Variants in TTC9 observed in about 807,000 individuals in gnomAD.
TTC9 encodes tetratricopeptide repeat domain 9, also known as tetratricopeptide repeat protein 9A.
In TTC9, 13 loss-of-function variants were observed where a neutral mutation model predicts 22.9. The observed-to-expected ratio is 0.57, with a 90% confidence interval of 0.37 to 0.90. The LOEUF (loss-of-function observed/expected upper bound fraction) is 0.90. Among genes scored for constraint, TTC9 ranks in the 40% least tolerant of loss-of-function variants. TTC9 has a pLI of 0.01. For synonymous variants in TTC9, 148 were observed against 133.2 expected, an observed-to-expected ratio of 1.11 and a Z score of -0.77; for missense variants, 280 against 291.8, an observed-to-expected ratio of 0.96 and a Z score of 0.29.
At chr14:70,643,052 C>G (rs1566693512) in intron 1 of TTC9, among the ~76,000 whole-genome samples, 1 of 152,254 alleles carries the variant, frequency 6.6e-6, no homozygotes, top group Non-Finnish European at 1.5e-5. Flanking sequence ...GGGAGTTTGA[C>G]ACCATGCCTT....
chr14:70,666,983 C>T (rs180713141), intron 1 of TTC9, among the ~76,000 whole-genome samples: 6 of 152,240 alleles, frequency 3.9e-5, no homozygotes, highest in East Asian at 3.9e-4. Context: ...TCTCACAGTT[C>T]CAGGGGCTAG....
At chr14:70,664,367 G>A (rs982747609) in intron 1 of TTC9, among the ~76,000 whole-genome samples, 1 of 151,500 alleles carries the variant, frequency 6.6e-6, no homozygotes, top group African/African-American at 2.4e-5. Flanking sequence ...AAAATCACCT[G>A]CAGGTAGCGC....
In TTC9 at chr14:70,662,532, A is replaced by G. The variant is rs114523240; in HGVS notation, c.407-5032A>G. Among the ~76,000 whole-genome samples the G allele has an allele frequency of 4.5e-3, 692 of 152,216 alleles. 10 individuals are homozygous for G. Among genetic ancestry groups the G allele is most frequent in the African/African-American group, 0.016 (672 of 41,524 alleles). ...CCCCAACAAAAGATACCTGACCTTGATTAATAGGGAGAAAGGAAATCCTTT... is the reference window on the plus strand; with the variant it reads ...CCCCAACAAAAGATACCTGACCTTGGTTAATAGGGAGAAAGGAAATCCTTT... On this transcript the variant is annotated intron_variant, in intron 1 of 2. Coordinates refer to ENST00000256367, the MANE Select transcript of TTC9 (RefSeq NM_015351.2).
At chr14:70,647,622 A>G (rs1022303334) in intron 1 of TTC9, among the ~76,000 whole-genome samples, 12 of 152,278 alleles carry the variant, frequency 7.9e-5, no homozygotes, top group Admixed American at 2.0e-4. Flanking sequence ...CTCACGCATC[A>G]TGGGGCTCCT....
intron 1 of TTC9, among the ~76,000 whole-genome samples, chr14:70,646,893 T>C (rs1885908935): frequency 6.6e-6 from 1 of 152,182 alleles, no homozygotes; most frequent in South Asian, 2.1e-4. Flanking sequence ...AGCCATGGGA[T>C]CAGAGCCAGC....
intron 1 of TTC9, among the ~76,000 whole-genome samples, chr14:70,658,846 C>T (rs1022457265): frequency 4.6e-5 from 7 of 152,122 alleles, no homozygotes; most frequent in African/African-American, 1.7e-4. Context: ...AACTGTAGTA[C>T]ATCCATACCA....
At chr14:70,650,629 TTTCA>T (rs141155424) in intron 1 of TTC9, among the ~76,000 whole-genome samples, 12,562 of 152,208 alleles carry the variant, frequency 0.083, 600 homozygotes, top group South Asian at 0.16. Context: ...GTGTTCTGAT[TTTCA>T]GAAAATTAAG....
intron 1 of TTC9, among the ~76,000 whole-genome samples, chr14:70,662,979 T>G (rs182976044): frequency 6.6e-6 from 1 of 152,328 alleles, no homozygotes; most frequent in East Asian, 1.9e-4. Flanking sequence ...AATTCCCTGC[T>G]GCTGGTCACC....
intron 1 of TTC9, among the ~76,000 whole-genome samples, chr14:70,664,272 C>T (rs779184785): frequency 1.1e-4 from 17 of 151,734 alleles, no homozygotes; most frequent in Non-Finnish European, 1.8e-4. Flanking sequence ...AGCCCTCACA[C>T]GTGCCTGCTG....
chr14:70,672,649 A>AAAAT lies in TTC9; in HGVS notation c.*1496_*1499dup. On this transcript the variant is annotated 3_prime_UTR_variant, in exon 3 of 3. Transcript: ENST00000256367. Reference sequence around the variant, plus strand: ...GAAAAAGACAATGTTGTACAAAATTAAAATATATACAGATGCAATAATGTG... The same window carrying AAAAT: ...GAAAAAGACAATGTTGTACAAAATTAAAATAAATATATACAGATGCAATAATGTG... The AAAAT allele has an allele frequency of 6.6e-6, 1 of 152,378 alleles. No homozygotes were observed. The highest frequency in any genetic ancestry group is 1.5e-5 in the Non-Finnish European group (1 of 68,034). The allele number at this position is 152,378 out of a possible 1,614,324, so 9.4% of individuals were successfully genotyped here. A position where few individuals can be genotyped will look rare whatever the true frequency, so the allele number is the denominator to read the frequency against.
intron 1 of TTC9, among the ~76,000 whole-genome samples, chr14:70,659,290 G>T (rs919751139): frequency 3.3e-5 from 5 of 152,242 alleles, no homozygotes; most frequent in Non-Finnish European, 7.3e-5. Context: ...TGGGTAAAGG[G>T]TATGGGAGGT....
In TTC9 at chr14:70,642,143, G is replaced by T. The variant is rs1405359955; in HGVS notation, c.14G>T (p.Gly5Val). ...GGCGGCGGCCGAATGGAGAGAAAGG[G>T]CTCGGCGGCCGGGGCCAAGGGGAAC... MERK[G>V]SAAGAKGNPS... Residue 5 changes from glycine to valine, a missense_variant, in exon 1 of 3, where the codon GGC becomes GTC. Around this residue, in one of 5 missense-constraint regions of TTC9, gnomAD observed 49 missense variants for 39.8 expected, o/e 1.23. Transcript: ENST00000256367. The T allele has an allele frequency of 1.7e-6, 2 of 1,158,450 alleles. No individual in the cohort carries two copies. Among genetic ancestry groups the T allele is most frequent in the East Asian group, 8.8e-5 (2 of 22,688 alleles). The allele number at this position is 1,158,450 out of a possible 1,614,324, so 71.8% of individuals were successfully genotyped here.
In TTC9 at chr14:70,671,192, C is replaced by A; in HGVS notation, c.*37C>A. 1.3e-6 allele frequency: 2 copies of A among 1,582,590 alleles called. No individual in the cohort carries two copies. Among genetic ancestry groups the A allele is most frequent in the South Asian group, 1.1e-5 (1 of 90,058 alleles). ...CTCCAGAGCTGCGCCCACGCCTGAC[C>A]GGGGACTTCCAGGCATCCCCTGGCA... On this transcript the variant is annotated 3_prime_UTR_variant, in exon 3 of 3. Coordinates refer to ENST00000256367, the MANE Select transcript of TTC9 (RefSeq NM_015351.2).
intron 1 of TTC9, among the ~76,000 whole-genome samples, chr14:70,646,443 G>T (rs1885902800): frequency 6.6e-6 from 1 of 152,174 alleles, no homozygotes; most frequent in Non-Finnish European, 1.5e-5. Context: ...TTGAAGGGCA[G>T]AGTCTTTTGC....
At chr14:70,667,171 T>C (rs1886227277) in intron 1 of TTC9, among the ~76,000 whole-genome samples, 1 of 152,232 alleles carries the variant, frequency 6.6e-6, no homozygotes, top group South Asian at 2.1e-4. Flanking sequence ...TTTGTGTACA[T>C]ATTTCCCCTT....
chr14:70,648,150 C>T (rs193001194), intron 1 of TTC9, among the ~76,000 whole-genome samples: 2 of 152,276 alleles, frequency 1.3e-5, no homozygotes, highest in African/African-American at 4.8e-5. Flanking sequence ...TCAAGATGCT[C>T]AGCCAAGATC....
chr14:70,659,132 G>GCGCGCGCACA, intron 1 of TTC9, among the ~76,000 whole-genome samples: 1 of 144,330 alleles, frequency 6.9e-6, no homozygotes, highest in South Asian at 2.2e-4. Flanking sequence ...ACACACACAC[G>GCGCGCGCACA]CACACACACA....
At chr14:70,666,278 C>T (rs1385131257) in intron 1 of TTC9, among the ~76,000 whole-genome samples, 1 of 152,152 alleles carries the variant, frequency 6.6e-6, no homozygotes, top group Non-Finnish European at 1.5e-5. Flanking sequence ...ATGGTTTACT[C>T]AAAGATGGCT....
At chr14:70,652,724 C>T (rs1886003200) in intron 1 of TTC9, among the ~76,000 whole-genome samples, 1 of 152,222 alleles carries the variant, frequency 6.6e-6, no homozygotes, top group African/African-American at 2.4e-5. Context: ...TGGATCTGAG[C>T]ATTTGGGGAT....
Sources: allele counts gnomAD v4.1 joint callset (sites outside exome capture counted in the v4.1 genomes callset), GRCh38; gene constraint gnomAD v4.1.1; regional missense constraint gnomAD v4.1.1; transcripts MANE v1.5; gene names NCBI Gene and HGNC (gene_info 2026-07-23, HGNC 2026-07-21).